The following MNAT1 variants were observed in gnomAD, a reference collection of about 807,000 sequenced individuals.
MNAT1 encodes MNAT1 component of CDK activating kinase.
MNAT1 carries 43 observed loss-of-function variants against 42.0 expected under a neutral mutation model. That is an observed-to-expected ratio of 1.02 (90% CI 0.80 to 1.32). The LOEUF is 1.32. Ranked by LOEUF, MNAT1 falls within the 40% of genes most tolerant of loss-of-function variation. MNAT1 has a pLI of 0.00. For synonymous variants in MNAT1, 118 were observed against 120.0 expected, an observed-to-expected ratio of 0.98 and a Z score of 0.11; for missense variants, 306 against 350.4, an observed-to-expected ratio of 0.87 and a Z score of 1.01.
intron 7 of MNAT1, among the ~76,000 whole-genome samples, chr14:60,904,208 C>T (rs1006269660): frequency 3.9e-5 from 6 of 151,954 alleles, no homozygotes; most frequent in Non-Finnish European, 7.4e-5. Flanking sequence ...AGTCTTGGGG[C>T]ATCAGAAAAT....
chr14:60,912,509 C>A (rs796454926), intron 7 of MNAT1, among the ~76,000 whole-genome samples: 2 of 152,158 alleles, frequency 1.3e-5, no homozygotes, highest in South Asian at 4.1e-4. Context: ...TTTTGTAGGG[C>A]AGGCCTGGTG....
intron 7 of MNAT1, among the ~76,000 whole-genome samples, chr14:60,966,140 T>G (rs1444149432): frequency 6.6e-6 from 1 of 152,158 alleles, no homozygotes; most frequent in African/African-American, 2.4e-5. Context: ...TTTCTTTTTT[T>G]TTTTTAAACA....
intron 6 of MNAT1, among the ~76,000 whole-genome samples, chr14:60,834,267 G>A (rs145446111): frequency 1.3e-4 from 20 of 152,170 alleles, no homozygotes; most frequent in African/African-American, 4.8e-4. Context: ...TGATGTTAGT[G>A]TGTCGATTTT....
Position 60,879,701 on chromosome 14 carries a change from A to G in MNAT1, c.688-13A>G, listed in dbSNP as rs955383699. On this transcript the variant is annotated splice_polypyrimidine_tract_variant and intron_variant, in intron 6 of 7. Transcript: ENST00000261245. ...ATAATAAGAGGTATTAAGTTCCTTCATTTTTCTAACAGGGTCAACATATTT... is the reference window on the plus strand; with the variant it reads ...ATAATAAGAGGTATTAAGTTCCTTCGTTTTTCTAACAGGGTCAACATATTT... The G allele has an allele frequency of 1.2e-6, 2 of 1,604,888 alleles. No individual in the cohort carries two copies. Among genetic ancestry groups the G allele is most frequent in the Middle Eastern group, 1.7e-4 (1 of 6,008 alleles).
intron 7 of MNAT1, among the ~76,000 whole-genome samples, chr14:60,884,146 G>A (rs1040762029): frequency 1.3e-5 from 2 of 152,054 alleles, no homozygotes; most frequent in Non-Finnish European, 2.9e-5. Flanking sequence ...CTGTATTCCA[G>A]ATCTTAGAAG....
intron 1 of MNAT1, among the ~76,000 whole-genome samples, chr14:60,736,398 G>A (rs1453966850): frequency 6.6e-6 from 1 of 152,000 alleles, no homozygotes; most frequent in Non-Finnish European, 1.5e-5. Context: ...AAGATTATAC[G>A]ATTTCAGTAA....
intron 6 of MNAT1, among the ~76,000 whole-genome samples, chr14:60,828,705 A>C (rs1040904989): frequency 9.2e-5 from 14 of 152,174 alleles, no homozygotes; most frequent in Non-Finnish European, 2.1e-4. Context: ...AACTTCAGAC[A>C]TCAATCGAAA....
chr14:60,790,839 C>T (rs543157214), intron 1 of MNAT1, among the ~76,000 whole-genome samples: 64 of 152,272 alleles, frequency 4.2e-4, no homozygotes, highest in African/African-American at 1.5e-3. Context: ...TACATCATAT[C>T]GCAAAAGCCC....
intron 7 of MNAT1, among the ~76,000 whole-genome samples, chr14:60,963,525 G>T (rs2036633031): frequency 6.6e-6 from 1 of 152,122 alleles, no homozygotes; most frequent in Non-Finnish European, 1.5e-5. Flanking sequence ...ACTGAGGTAG[G>T]CTTCAGGTTG....
In MNAT1 at chr14:60,922,675, G is replaced by GA. The variant is rs201491529; in HGVS notation, c.809+42850dup. 1.2e-3 allele frequency among the ~76,000 whole-genome samples: 180 copies of GA among 146,324 alleles called. 1 individual carries two copies. Among genetic ancestry groups the GA allele is most frequent in the African/African-American group, 3.2e-3 (129 of 40,042 alleles). ...CTAGGGGAGGGAGAGGGGACAAAAA[G>GA]AAAAAAAAAACTTTCAAGTTTTTCT... On this transcript the variant is annotated intron_variant, in intron 7 of 7. Coordinates refer to ENST00000261245, the MANE Select transcript of MNAT1 (RefSeq NM_002431.4).
At chr14:60,884,568 G>A (rs939858444) in intron 7 of MNAT1, among the ~76,000 whole-genome samples, 3 of 152,082 alleles carry the variant, frequency 2.0e-5, no homozygotes, top group South Asian at 2.1e-4. Context: ...AAACAAATAA[G>A]CAAAATCAAA....
At chr14:60,774,182 A>G (rs1035553944) in intron 1 of MNAT1, among the ~76,000 whole-genome samples, 2 of 152,202 alleles carry the variant, frequency 1.3e-5, no homozygotes, top group African/African-American at 2.4e-5. Context: ...AGGAAGACTT[A>G]GGAGTAGGGA....
chr14:60,929,169 AAATATAT>A (rs1434565493), intron 7 of MNAT1, among the ~76,000 whole-genome samples: 29 of 101,846 alleles, frequency 2.8e-4, no homozygotes, highest in African/African-American at 1.1e-3. Flanking sequence ...AAAAAAAAAA[AAATATAT>A]ATATATATAT....
At chr14:60,896,450 A>G (rs774645682) in intron 7 of MNAT1, among the ~76,000 whole-genome samples, 1 of 152,210 alleles carries the variant, frequency 6.6e-6, no homozygotes, top group Non-Finnish European at 1.5e-5. Context: ...TGACACAACT[A>G]GATTCATCCA....
intron 7 of MNAT1, among the ~76,000 whole-genome samples, chr14:60,889,825 A>T (rs2034790346): frequency 6.6e-6 from 1 of 152,252 alleles, no homozygotes; most frequent in African/African-American, 2.4e-5. Flanking sequence ...GAAGACGTTT[A>T]TGCAGCCAAA....
intron 6 of MNAT1, among the ~76,000 whole-genome samples, chr14:60,860,032 T>A (rs1459569026): frequency 6.6e-6 from 1 of 152,234 alleles, no homozygotes; most frequent in African/African-American, 2.4e-5. Flanking sequence ...TCCCAGGGCC[T>A]GAGACTAAAT....
At chr14:60,749,284 C>T (rs2029966578) in intron 1 of MNAT1, among the ~76,000 whole-genome samples, 1 of 152,152 alleles carries the variant, frequency 6.6e-6, no homozygotes, top group South Asian at 2.1e-4. Flanking sequence ...ATCTATTGGA[C>T]ATTCAAACTT....
intron 2 of MNAT1, among the ~76,000 whole-genome samples, chr14:60,796,936 T>C (rs2032037412): frequency 1.3e-5 from 2 of 152,222 alleles, no homozygotes; most frequent in East Asian, 1.9e-4. Context: ...TTTATTTTGG[T>C]ATGTGTATTT....
chr14:60,812,530 A>C (rs953425549), intron 5 of MNAT1, among the ~76,000 whole-genome samples: 1 of 152,224 alleles, frequency 6.6e-6, no homozygotes. Context: ...CCAAGCTACA[A>C]GTTAAATCCT....
Sources: allele counts gnomAD v4.1 joint callset (sites outside exome capture counted in the v4.1 genomes callset), GRCh38; gene constraint gnomAD v4.1.1; transcripts MANE v1.5; gene names NCBI Gene and HGNC (gene_info 2026-07-23, HGNC 2026-07-21).